LDAF1: variants seen among roughly 807,000 people sequenced by gnomAD.
LDAF1 encodes PROMETHIN.
In LDAF1, 7 loss-of-function variants were observed where a neutral mutation model predicts 13.5. That is an observed-to-expected ratio of 0.52 (90% CI 0.29 to 0.97). The LOEUF (loss-of-function observed/expected upper bound fraction) is 0.97. LDAF1 is among the 50% of genes least tolerant of loss of function. The pLI, the probability that LDAF1 is intolerant of heterozygous loss-of-function variation, is 0.07. For missense variants in LDAF1, 148 were observed against 193.2 expected (o/e 0.77, Z 1.39); for synonymous variants, 69 against 77.1 (o/e 0.89, Z 0.55).
rs751667291 is a variant in LDAF1, at chr16:21,174,119, C to T, written c.375C>T (p.Ser125=). 7 of 1,612,518 alleles carry T rather than the reference C, an allele frequency of 4.3e-6. No homozygotes were observed. The highest frequency in any genetic ancestry group is 1.7e-6 in the Non-Finnish European group (2 of 1,179,610). ...GMMIASYVVV[S]SLISCWFSPR... is the part of the protein sequence containing the mutation. ...TGATAGCATCTTATGTAGTGGTCTC[C>T]AGCCTCATCAGCTGCTGGTTTTCTC... Residue 125 remains serine, a synonymous_variant, in exon 4 of 5, where the codon TCC becomes TCT. Coordinates refer to ENST00000233047, the MANE Select transcript of LDAF1 (RefSeq NM_001301771.2).
chr16:21,159,306 A>G (rs1221462960), intron 1 of LDAF1: 1 of 1,604,146 alleles, frequency 6.2e-7, no homozygotes, highest in African/African-American at 1.3e-5. Context: ...GCCTTCTGGG[A>G]CGCGGACCCC....
At chr16:21,173,058 G>A (rs7193496) in intron 3 of LDAF1, among the ~76,000 whole-genome samples, 69,108 of 151,832 alleles carry the variant, frequency 0.46, 16,075 homozygotes, top group East Asian at 0.69. Flanking sequence ...TTCCTTGCAC[G>A]TATTAGATGG....
chr16:21,160,949 C>A, intron 1 of LDAF1, 136 bp from the exon 2 acceptor site: 2 of 1,061,896 alleles, frequency 1.9e-6, no homozygotes, highest in Non-Finnish European at 2.5e-6. Flanking sequence ...GAAGTGTGTG[C>A]AATCTGAAAT....
intron 2 of LDAF1, among the ~76,000 whole-genome samples, chr16:21,163,849 G>T (rs1053145736): frequency 1.4e-4 from 14 of 102,608 alleles, no homozygotes; most frequent in African/African-American, 5.4e-4. Flanking sequence ...ACGTTCACCT[G>T]CCTTTTTTGT....
intron 3 of LDAF1, among the ~76,000 whole-genome samples, chr16:21,173,706 G>A (rs201424818): frequency 1.9e-5 from 2 of 106,426 alleles, no homozygotes; most frequent in Non-Finnish European, 3.9e-5. Context: ...GAGCAAGACT[G>A]TCTCAAAAAA....
chr16:21,174,349 C>A lies in LDAF1; in HGVS notation c.404+201C>A, dbSNP rs139817762. 3.5e-3 allele frequency among the ~76,000 whole-genome samples: 535 copies of A among 152,018 alleles called. 4 individuals carry two copies. The highest frequency in any genetic ancestry group is 0.012 in the African/African-American group (501 of 41,448). ...GGGCTACAGGTGCATGCCATCATGC[C>A]CGGCTAATTTTAATATTTTTTATTT... is the stretch of plus-strand genomic sequence containing the variant. On this transcript the variant is annotated intron_variant, in intron 4 of 4. Coordinates refer to ENST00000233047, the MANE Select transcript of LDAF1 (RefSeq NM_001301771.2).
intron 3 of LDAF1, 88 bp downstream of exon 3, chr16:21,170,693 G>A (rs2093079406): frequency 5.3e-6 from 8 of 1,504,054 alleles, no homozygotes; most frequent in South Asian, 2.4e-5. Flanking sequence ...TTTTTAAGGG[G>A]CGGGGTCTTG....
Position 21,161,287 on chromosome 16 carries a change from C to A in LDAF1, c.96+9C>A. 1.2e-6 allele frequency: 2 copies of A among 1,613,760 alleles called. No homozygotes were observed. Among genetic ancestry groups the A allele is most frequent in the Non-Finnish European group, 1.7e-6 (2 of 1,179,982 alleles). On this transcript the variant is annotated intron_variant, in intron 2 of 4. Transcript: ENST00000233047. The stretch of plus-strand genomic sequence containing the variant: ...TCCAGAATAACTCAAAGGTCAGTTT[C>A]CAATCACTATGTATAATGGAAAATC...
chr16:21,165,078 A>G lies in LDAF1; in HGVS notation c.96+3800A>G, dbSNP rs374765652. On this transcript the variant is annotated intron_variant, in intron 2 of 4. Transcript: ENST00000233047. ...GGAGCTCAGCTGTACTTCCTGGGAG[A>G]AGACAATTTCTGGGTTTAATCATCT... Among the ~76,000 whole-genome samples, 11 of 152,240 alleles carry G rather than the reference A, an allele frequency of 7.2e-5. No individual in the cohort carries two copies. In the South Asian group the frequency reaches 1.7e-3, roughly 23 times the overall value.
chr16:21,160,237 C>G (rs917325605), intron 1 of LDAF1, among the ~76,000 whole-genome samples: 4 of 151,204 alleles, frequency 2.6e-5, no homozygotes, highest in Non-Finnish European at 5.9e-5. Context: ...CCAGCCAGTT[C>G]TGGGAAATAT....
intron 3 of LDAF1, chr16:21,172,981 A>T (rs138906686): frequency 1.2e-5 from 3 of 259,504 alleles, no homozygotes; most frequent in African/African-American, 6.9e-5. Context: ...CTTGTTCTTC[A>T]TGATCTTTTC....
chr16:21,164,290 C>T (rs1246462775), intron 2 of LDAF1, among the ~76,000 whole-genome samples: 1 of 152,110 alleles, frequency 6.6e-6, no homozygotes. Flanking sequence ...GTCTTCCAGG[C>T]TGGAGTATAG....
chr16:21,171,280 C>T (rs927249626), intron 3 of LDAF1, among the ~76,000 whole-genome samples: 2 of 152,324 alleles, frequency 1.3e-5, no homozygotes, highest in East Asian at 1.9e-4. Flanking sequence ...CTTTTCAAAT[C>T]AGATCACACA....
chr16:21,176,904 A>G (rs1211458337), intron 4 of LDAF1, among the ~76,000 whole-genome samples: 4 of 151,282 alleles, frequency 2.6e-5, no homozygotes, highest in Non-Finnish European at 4.4e-5. Context: ...TGTCTGGAAA[A>G]AAAAAAAAAA....
chr16:21,169,786 A>G (rs1283059491), intron 2 of LDAF1, among the ~76,000 whole-genome samples: 1 of 152,282 alleles, frequency 6.6e-6, no homozygotes, highest in East Asian at 1.9e-4. Flanking sequence ...CAGGAGAGCC[A>G]TGACTGGGTC....
chr16:21,174,183 A>C lies in LDAF1; in HGVS notation c.404+35A>C, dbSNP rs549398914. The C allele has an allele frequency of 8.2e-6, 13 of 1,584,084 alleles. No homozygotes were observed. The South Asian group carries it at 1.0e-4, about 13-fold the overall frequency. On this transcript the variant is annotated intron_variant, in intron 4 of 4. Coordinates refer to ENST00000233047, the MANE Select transcript of LDAF1 (RefSeq NM_001301771.2). ...TGTCCATGAAATAATTTATTTTTTT[A>C]ATCTTTCTACTTTTTTGTTTTTTTG... is the stretch of plus-strand genomic sequence containing the variant.
At chr16:21,164,031 C>T (rs545888558) in intron 2 of LDAF1, among the ~76,000 whole-genome samples, 2 of 152,198 alleles carry the variant, frequency 1.3e-5, no homozygotes, top group South Asian at 2.1e-4. Context: ...CCTGACCCTT[C>T]GTCTTTCTCC....
intron 2 of LDAF1, chr16:21,165,537 C>A: frequency 2.1e-6 from 2 of 963,244 alleles, no homozygotes; most frequent in Non-Finnish European, 2.5e-6. Flanking sequence ...TTTTGTCATT[C>A]CACTTTCATA....
chr16:21,162,028 G>T (rs1022199803), intron 2 of LDAF1, among the ~76,000 whole-genome samples: 3 of 151,952 alleles, frequency 2.0e-5, no homozygotes, highest in African/African-American at 7.3e-5. Context: ...GTGGTGGTAA[G>T]GCCTGTAGTC....
Sources: gnomAD v4.1 joint callset for allele counts (sites outside exome capture counted in the v4.1 genomes callset) on GRCh38, gnomAD v4.1.1 for gene constraint, MANE v1.5 for transcripts, NCBI Gene and HGNC (gene_info 2026-07-23, HGNC 2026-07-21) for gene names.